USP24: variants seen among roughly 807,000 people sequenced by gnomAD.
USP24 encodes ubiquitin specific peptidase 24.
In USP24, 97 loss-of-function variants were observed where a neutral mutation model predicts 361.6. The observed-to-expected ratio is 0.27, with a 90% CI of 0.23 to 0.32. The LOEUF is 0.32. USP24 is among the 10% of genes least tolerant of loss of function. USP24 has a pLI of 1.00. For missense variants in USP24, 2,353 were observed against 3,165.6 expected (o/e 0.74, Z 6.16); for synonymous variants, 1,098 against 1,124.6 (o/e 0.98, Z 0.47).
At position 55,126,760 on chromosome 1, in the gene USP24, C is replaced by T. The variant is rs575689304; in HGVS notation, c.3636-1002G>A. On this transcript the variant is annotated intron_variant, in intron 32 of 67. Coordinates refer to ENST00000294383, the MANE Select transcript of USP24 (RefSeq NM_015306.3). ...TTTTTGCCATCATTTCCCTATTTCCCATCCCCTCGACCTCCTCAAGGTCCC... is the reference window on the plus strand; with the variant it reads ...TTTTTGCCATCATTTCCCTATTTCCTATCCCCTCGACCTCCTCAAGGTCCC... Among the ~76,000 whole-genome samples the T allele has an allele frequency of 4.6e-5, 7 of 152,242 alleles. No homozygotes were observed. In the East Asian group the frequency reaches 1.4e-3, roughly 29 times the overall value.
At chr1:55,086,449 C>G (rs1338928698) in intron 55 of USP24, 1 of 182,462 alleles carries the variant, frequency 5.5e-6, no homozygotes, top group Non-Finnish European at 1.2e-5. Context: ...GCACAGCATA[C>G]AAGGGGCAGG....
chr1:55,144,099 T>C (rs1410660019), intron 21 of USP24, 28 bp downstream of exon 21: 3 of 1,540,910 alleles, frequency 1.9e-6, no homozygotes, highest in Non-Finnish European at 2.6e-6. Flanking sequence ...TTATCCAAAC[T>C]ATCTAGATTT....
chr1:55,126,864 T>C (rs1027032485), intron 32 of USP24, among the ~76,000 whole-genome samples: 3 of 152,190 alleles, frequency 2.0e-5, no homozygotes, highest in Non-Finnish European at 2.9e-5. Context: ...CTGGTGTCCA[T>C]GCCTACCTCA....
chr1:55,157,126 A>G lies in USP24; in HGVS notation c.1343-75T>C, dbSNP rs533610140. 4 of 1,430,928 alleles carry G rather than the reference A, an allele frequency of 2.8e-6. No individual in the cohort carries two copies. In the African/African-American group the frequency reaches 5.7e-5, roughly 20 times the overall value. The allele number at this position is 1,430,928 out of a possible 1,614,324, so 88.6% of individuals were successfully genotyped here. On this transcript the variant is annotated intron_variant, in intron 11 of 67. Coordinates refer to ENST00000294383, the MANE Select transcript of USP24 (RefSeq NM_015306.3). The stretch of plus-strand genomic sequence containing the variant: ...CTCTAAATATAATTCTATTGATTCA[A>G]AACAATAACTTACTATAAGATCATT...
In USP24 at chr1:55,137,703, T is replaced by C; in HGVS notation, c.3028-15A>G. ...TTCACTGTCAGCTGCAAAAAGTGGT[T>C]TCTTAATTATTGAGAGGAAAAGGAA... is the stretch of plus-strand genomic sequence containing the variant. On this transcript the variant is annotated splice_polypyrimidine_tract_variant and intron_variant, in intron 27 of 67. Coordinates refer to ENST00000294383, the MANE Select transcript of USP24 (RefSeq NM_015306.3). 1 of 1,606,382 alleles carries C rather than the reference T, an allele frequency of 6.2e-7. No individual in the cohort carries two copies. Among genetic ancestry groups the C allele is most frequent in the South Asian group, 1.1e-5 (1 of 89,480 alleles).
At chr1:55,107,697 A>C (rs905867944) in intron 39 of USP24, among the ~76,000 whole-genome samples, 2 of 151,286 alleles carry the variant, frequency 1.3e-5, no homozygotes, top group African/African-American at 4.8e-5. Flanking sequence ...CAAAAATTAC[A>C]CGGGCACGGT....
At chr1:55,122,095 A>G (rs1646299353) in intron 36 of USP24, among the ~76,000 whole-genome samples, 1 of 152,192 alleles carries the variant, frequency 6.6e-6, no homozygotes, top group Admixed American at 6.5e-5. Flanking sequence ...GGAGCTTTCA[A>G]TCTAGTTGGG....
chr1:55,198,560 C>T (rs1447644697), intron 1 of USP24, among the ~76,000 whole-genome samples: 5 of 152,206 alleles, frequency 3.3e-5, no homozygotes, highest in Non-Finnish European at 5.9e-5. Context: ...TGTTTATCAG[C>T]ATCCCTGGCC....
chr1:55,125,505 C>T lies in USP24; in HGVS notation c.3775G>A (p.Asp1259Asn), dbSNP rs761278282. The T allele has an allele frequency of 6.2e-7, 1 of 1,613,910 alleles. No individual in the cohort carries two copies. The highest frequency in any genetic ancestry group is 8.5e-7 in the Non-Finnish European group (1 of 1,179,864). The change falls in exon 34 of 68, where the codon GAC becomes AAC. Residue 1259 changes from aspartate to asparagine, a missense_variant. By Grantham distance (23) the Asp-to-Asn change is conservative. Around this residue, in one of 8 missense-constraint regions of USP24, gnomAD observed 949 missense variants for 1,280.5 expected, o/e 0.74. Coordinates refer to ENST00000294383, the MANE Select transcript of USP24 (RefSeq NM_015306.3). ...GCTTCTATACCATCTTTGGTGAGGT[C>T]TTCATCTAATAACGTGGGCATTGTT... ...GQTMPTLLDE[D>N]LTKDGIEALS...
In USP24 at chr1:55,199,015, C is replaced by T. The variant is rs190109471; in HGVS notation, c.324+15775G>A. 3.9e-5 allele frequency among the ~76,000 whole-genome samples: 6 copies of T among 152,276 alleles called. No individual in the cohort carries two copies. The East Asian group carries it at 1.2e-3, about 29-fold the overall frequency. On this transcript the variant is annotated intron_variant, in intron 1 of 67. Transcript: ENST00000294383. ...AAAAGAACATGATAACCAGGACAGGCATGGTGGCTCACACCTGTAATCCTG... is the reference window on the plus strand; with the variant it reads ...AAAAGAACATGATAACCAGGACAGGTATGGTGGCTCACACCTGTAATCCTG...
Position 55,153,948 on chromosome 1 carries a change from G to A in USP24, c.1813-31C>T, listed in dbSNP as rs150932234. ...AATTCATTTTAAGAGAAATATAAGT[G>A]ACTTGGTAAAAGCAATACCTATAAT... is the stretch of plus-strand genomic sequence containing the variant. On this transcript the variant is annotated intron_variant, in intron 15 of 67. Transcript: ENST00000294383. The A allele has an allele frequency of 2.6e-6, 4 of 1,548,568 alleles. No homozygotes were observed. In the African/African-American group the frequency reaches 4.1e-5, roughly 16 times the overall value.
intron 16 of USP24, 73 bp from the exon 17 acceptor site, chr1:55,148,643 T>C: frequency 1.7e-6 from 2 of 1,161,802 alleles, no homozygotes; most frequent in South Asian, 1.4e-5. Context: ...CTATAAAAAA[T>C]TTCAAGTCAA....
chr1:55,151,059 T>C (rs1397461366), intron 16 of USP24, among the ~76,000 whole-genome samples: 1 of 152,234 alleles, frequency 6.6e-6, no homozygotes, highest in Admixed American at 6.5e-5. Context: ...AGGGACTGAA[T>C]TCTGTTTTCA....
At chr1:55,098,866 C>CT (rs1645559455) in intron 45 of USP24, among the ~76,000 whole-genome samples, 1 of 152,064 alleles carries the variant, frequency 6.6e-6, no homozygotes. Flanking sequence ...GCAATCTTTT[C>CT]TTTTTTCTTG....
At chr1:55,150,630 T>C (rs1453576436) in intron 16 of USP24, among the ~76,000 whole-genome samples, 1 of 152,200 alleles carries the variant, frequency 6.6e-6, no homozygotes, top group Non-Finnish European at 1.5e-5. Context: ...AAGTCAATTA[T>C]GGTAACAATA....
rs1007630716 is a variant in USP24 at position 55,129,719 on chromosome 1, T to C, written c.3538-145A>G. 6.7e-6 allele frequency: 4 copies of C among 593,068 alleles called. No homozygotes were observed. In the Admixed American group the frequency reaches 9.6e-5, roughly 14 times the overall value. 36.7% of individuals were successfully genotyped at this position (593,068 alleles called of 1,614,324 possible). ...TCCCCCAGAAATATGTAGAAGCTGA[T>C]GTTTCACGATAAAATAATCACATTT... On this transcript the variant is annotated intron_variant, in intron 31 of 67. Coordinates refer to ENST00000294383, the MANE Select transcript of USP24 (RefSeq NM_015306.3).
chr1:55,098,958 G>A (rs1220663814), intron 45 of USP24, among the ~76,000 whole-genome samples: 1 of 152,216 alleles, frequency 6.6e-6, no homozygotes, highest in Non-Finnish European at 1.5e-5. Flanking sequence ...TGCTGGCAGT[G>A]ACAGCGGGAT....
At chr1:55,167,093 C>T (rs927514807) in intron 5 of USP24, among the ~76,000 whole-genome samples, 45 of 152,002 alleles carry the variant, frequency 3.0e-4, no homozygotes, top group African/African-American at 9.9e-4. Flanking sequence ...ACAGTGACTA[C>T]GAAGAGATGT....
chr1:55,171,165 C>T (rs1317713998), intron 5 of USP24, among the ~76,000 whole-genome samples: 1 of 151,910 alleles, frequency 6.6e-6, no homozygotes, highest in Non-Finnish European at 1.5e-5. Context: ...ATATGAAGTT[C>T]AAAAGAAAAT....
Sources: gnomAD v4.1 joint callset for allele counts (sites outside exome capture counted in the v4.1 genomes callset) on GRCh38, gnomAD v4.1.1 for gene constraint, gnomAD v4.1.1 regional missense constraint, MANE v1.5 for transcripts, NCBI Gene and HGNC (gene_info 2026-07-23, HGNC 2026-07-21) for gene names.